The following AKAP3 variants were observed in gnomAD, a reference collection of about 807,000 sequenced individuals.
The protein encoded by AKAP3 is A-kinase anchor protein 3.
Under a neutral mutation model 57.2 loss-of-function variants are expected in AKAP3, and 27 were observed. That is an observed-to-expected ratio of 0.47 (90% CI 0.35 to 0.65). AKAP3 has a LOEUF of 0.65. Ranked by LOEUF, AKAP3 falls within the 30% of genes least tolerant of loss-of-function variation. The pLI, the probability that AKAP3 is intolerant of heterozygous loss-of-function variation, is 0.01. For missense variants in AKAP3, 959 were observed against 1,040.0 expected (o/e 0.92, Z 1.07); for synonymous variants, 334 against 392.3 (o/e 0.85, Z 1.76).
At chr12:4,621,242 G>A (rs1325688289) in intron 5 of AKAP3, among the ~76,000 whole-genome samples, 1 of 151,814 alleles carries the variant, frequency 6.6e-6, no homozygotes, top group Non-Finnish European at 1.5e-5. Flanking sequence ...TCAAAACTTT[G>A]TAACATAAAA....
chr12:4,620,392 G>A (rs1338115200), intron 5 of AKAP3, among the ~76,000 whole-genome samples: 2 of 144,938 alleles, frequency 1.4e-5, no homozygotes, highest in South Asian at 2.2e-4. Flanking sequence ...CAGGAGAATC[G>A]CTTGAACCTG....
In AKAP3 at chr12:4,625,110, T is replaced by C. The variant is rs190338350; in HGVS notation, c.2406+1386A>G. Among the ~76,000 whole-genome samples, 4 of 152,228 alleles carry C rather than the reference T, an allele frequency of 2.6e-5. No homozygotes were observed. The East Asian group carries it at 7.7e-4, about 29-fold the overall frequency. ...CTACTAATTGCTATATACTGTAAAA[T>C]AGTTGTCTGTTTCACGGATTGGAAA... On this transcript the variant is annotated intron_variant, in intron 5 of 5. Transcript: ENST00000228850. The surrounding 1 kb of genome is among the most constrained non-coding windows in gnomAD (Gnocchi z 5.4).
intron 1 of AKAP3, chr12:4,647,871 T>C (rs1430044570): frequency 6.7e-6 from 1 of 150,136 alleles, no homozygotes; most frequent in Non-Finnish European, 1.5e-5. Flanking sequence ...CAAGATAGAG[T>C]GGAAACAGCC....
intron 2 of AKAP3, among the ~76,000 whole-genome samples, chr12:4,642,561 G>A (rs920535638): frequency 6.6e-6 from 1 of 152,148 alleles, no homozygotes; most frequent in Admixed American, 6.5e-5. Flanking sequence ...CAGCCCCCCA[G>A]TAATGGCTCT....
Position 4,627,486 on chromosome 12 carries a change from TAG to T in AKAP3, c.1414_1415del (p.Leu472ArgfsTer8). ...HKTQQKECKS[L>X]GFQHAAFEAP... ...CTTCAAATGCTGCATGCTGGAAACC[TAG>T]AGATTTACATTCTTTCTGCTGAGTT... On this transcript the variant is annotated frameshift_variant, in exon 5 of 6. Transcript: ENST00000228850. LOFTEE classifies it high-confidence loss of function. 6.2e-7 allele frequency: 1 copy of T among 1,614,170 alleles called. No individual in the cohort carries two copies. The highest frequency in any genetic ancestry group is 8.5e-7 in the Non-Finnish European group (1 of 1,180,018).
At position 4,648,750 on chromosome 12, in the gene AKAP3, C is replaced by A. The variant is rs541095991; in HGVS notation, c.-250G>T. On this transcript the variant is annotated 5_prime_UTR_variant, in exon 1 of 6. Coordinates refer to ENST00000228850, the MANE Select transcript of AKAP3 (RefSeq NM_001278309.2). Reference sequence around the variant, plus strand: ...CCTTCTTCCTCCGGACTCACCAGGGCTGCCAGCTTAGCTTACATTTTCAGG... The same window carrying A: ...CCTTCTTCCTCCGGACTCACCAGGGATGCCAGCTTAGCTTACATTTTCAGG... 9.6e-6 allele frequency: 2 copies of A among 209,240 alleles called. No individual in the cohort carries two copies. The highest frequency in any genetic ancestry group is 5.9e-5 in the Admixed American group (1 of 16,884). 13.0% of individuals were successfully genotyped at this position (209,240 alleles called of 1,614,324 possible). A position where few individuals can be genotyped will look rare whatever the true frequency, so the allele number is the denominator to read the frequency against.
Position 4,627,885 on chromosome 12 carries a change from C to G in AKAP3, c.1017G>C (p.Arg339Ser). Reference protein sequence around the residue: ...VVSDLIDSFLRNLHSVTGTLM... With the variant: ...VVSDLIDSFLSNLHSVTGTLM... ...GGGTCCCTGTGACGCTGTGGAGATT[C>G]CTCAAGAAGGAGTCGATGAGATCCG... The change falls in exon 5 of 6, where the codon AGG (arginine) becomes AGC (serine). Residue 339 changes from arginine (R) to serine (S), a missense_variant. Arg to Ser is a moderately radical substitution (Grantham distance 110). Transcript: ENST00000228850. The G allele has an allele frequency of 1.2e-6, 2 of 1,614,120 alleles. No individual in the cohort carries two copies. Among genetic ancestry groups the G allele is most frequent in the Admixed American group, 1.7e-5 (1 of 60,020 alleles).
At chr12:4,635,787 T>C (rs1945558131) in intron 4 of AKAP3, 1 of 706,968 alleles carries the variant, frequency 1.4e-6, no homozygotes, top group Non-Finnish European at 2.6e-6. Flanking sequence ...AACTATACTG[T>C]AGTGTCATCA....
rs188751968 is a variant in AKAP3, at chr12:4,633,292, T to A, written c.97-4487A>T. 7.9e-3 allele frequency among the ~76,000 whole-genome samples: 1,193 copies of A among 151,966 alleles called. 16 individuals carry two copies. Among genetic ancestry groups the A allele is most frequent in the African/African-American group, 0.027 (1,123 of 41,500 alleles). On this transcript the variant is annotated intron_variant, in intron 4 of 5. Transcript: ENST00000228850. ...TATATTTTAAAAGATAAATAAAATT[T>A]AAAAAAATAAAAATAAAAAACCAAA...
Position 4,627,836 on chromosome 12 carries a change from A to G in AKAP3, c.1066T>C (p.Ser356Pro). ...GTLMTDTQFV[S>P]AVKRTVFSHG... The stretch of plus-strand genomic sequence containing the variant: ...GAGAAGACAGTTCTTTTCACAGCCG[A>G]GACAAACTGTGTGTCAGTCATGAGG... The change falls in exon 5 of 6, where the codon TCG becomes CCG. Residue 356 changes from serine to proline, a missense_variant. Coordinates refer to ENST00000228850, the MANE Select transcript of AKAP3 (RefSeq NM_001278309.2). 6.2e-7 allele frequency: 1 copy of G among 1,614,148 alleles called. No individual in the cohort carries two copies. The highest frequency in any genetic ancestry group is 8.5e-7 in the Non-Finnish European group (1 of 1,180,022).
intron 5 of AKAP3, among the ~76,000 whole-genome samples, chr12:4,624,315 ACGTGTGTGTGTGTGTGTGTGTGTGTGTG>A (rs1480235430): frequency 2.7e-5 from 4 of 146,322 alleles, no homozygotes; most frequent in South Asian, 2.2e-4. Flanking sequence ...TTGTGACTTT[ACGTGTGTGTGTGTGTGTGTGTGTGTGTG>A]TGTGTGTGTG....
Position 4,621,789 on chromosome 12 carries a change from G to A in AKAP3, c.2406+4707C>T, listed in dbSNP as rs142289966. Among the ~76,000 whole-genome samples the A allele has an allele frequency of 3.5e-3, 534 of 152,192 alleles. 2 individuals carry two copies. Among genetic ancestry groups the A allele is most frequent in the African/African-American group, 0.012 (511 of 41,530 alleles). ...AACATGGGAAAGTTTTGCTAATATCGTAAAGTGGAGAATGTTTTCCAAAAT... is the reference window on the plus strand; with the variant it reads ...AACATGGGAAAGTTTTGCTAATATCATAAAGTGGAGAATGTTTTCCAAAAT... On this transcript the variant is annotated intron_variant, in intron 5 of 5. Coordinates refer to ENST00000228850, the MANE Select transcript of AKAP3 (RefSeq NM_001278309.2).
Position 4,626,824 on chromosome 12 carries a change from G to A in AKAP3, c.2078C>T (p.Ala693Val). 6.2e-7 allele frequency: 1 copy of A among 1,605,848 alleles called. No homozygotes were observed. The highest frequency in any genetic ancestry group is 8.5e-7 in the Non-Finnish European group (1 of 1,177,518). The change falls in exon 5 of 6, where the codon GCA (alanine) becomes GTA (valine). Residue 693 changes from alanine (A) to valine (V), a missense_variant. By Grantham distance (64) the Ala-to-Val change is moderately conservative. Coordinates refer to ENST00000228850, the MANE Select transcript of AKAP3 (RefSeq NM_001278309.2). ...TCCAGACTTGTCATCTCCCAGCTCT[G>A]CCAACGAAGCATCACAGGACTTAGC... ...IIAKSCDASL[A>V]ELGDDKSGDA...
chr12:4,639,668 C>T (rs1052088810), intron 3 of AKAP3, among the ~76,000 whole-genome samples: 21 of 147,082 alleles, frequency 1.4e-4, no homozygotes, highest in African/African-American at 4.7e-4. Context: ...TGAGTGAGAA[C>T]ATGCAGTGTT....
At chr12:4,641,367 C>T (rs1209298807) in intron 3 of AKAP3, among the ~76,000 whole-genome samples, 2 of 152,142 alleles carry the variant, frequency 1.3e-5, no homozygotes, top group South Asian at 4.2e-4. Context: ...ACCAGGCGCT[C>T]CACATCTGGC....
chr12:4,626,621 T>C lies in AKAP3; in HGVS notation c.2281A>G (p.Asn761Asp), dbSNP rs1205449902. 5.0e-6 allele frequency: 8 copies of C among 1,614,130 alleles called. No individual in the cohort carries two copies. In the African/African-American group the frequency reaches 1.1e-4, roughly 22 times the overall value. ...GCAAPTVIVSNHNLTDTVQNK... is the reference protein window; with the variant it reads ...GCAAPTVIVSDHNLTDTVQNK... ...TGAACTGTGTCCGTTAGGTTGTGAT[T>C]GCTGACAATCACCGTGGGTGCTGCA... Residue 761 changes from asparagine to aspartate, a missense_variant, in exon 5 of 6, where the codon AAT becomes GAT. By Grantham distance (23) the Asn-to-Asp change is conservative. Coordinates refer to ENST00000228850, the MANE Select transcript of AKAP3 (RefSeq NM_001278309.2).
intron 3 of AKAP3, among the ~76,000 whole-genome samples, chr12:4,641,563 G>A (rs1278596205): frequency 6.6e-6 from 1 of 152,168 alleles, no homozygotes; most frequent in African/African-American, 2.4e-5. Flanking sequence ...AGTTGTTAAT[G>A]CCTTGAAGTT....
Position 4,628,228 on chromosome 12 carries a change from T to G in AKAP3, c.674A>C (p.Lys225Thr). The G allele has an allele frequency of 6.2e-7, 1 of 1,614,130 alleles. No individual in the cohort carries two copies. Among genetic ancestry groups the G allele is most frequent in the Non-Finnish European group, 8.5e-7 (1 of 1,179,978 alleles). ...KSTLKIKEST[K>T]ERQGPDDKPP... ...CTTGTCATCTGGACCCTGTCTTTCT[T>G]TGGTGCTCTCCTTGATCTTCAAAGT... The change falls in exon 5 of 6, where the codon AAA becomes ACA. Residue 225 changes from lysine (K) to threonine (T), a missense_variant. Physicochemically the swap from Lys to Thr is moderately conservative, Grantham distance 78. Transcript: ENST00000228850.
At chr12:4,640,618 C>T (rs1945625484) in intron 3 of AKAP3, among the ~76,000 whole-genome samples, 1 of 152,128 alleles carries the variant, frequency 6.6e-6, no homozygotes, top group African/African-American at 2.4e-5. Context: ...AAAGAAAATA[C>T]AAGATCTTTT....
Sources: gnomAD v4.1 joint callset for allele counts (sites outside exome capture counted in the v4.1 genomes callset) on GRCh38, gnomAD v4.1.1 for gene constraint, Gnocchi (gnomAD v3.1) non-coding constraint, MANE v1.5 for transcripts, NCBI Gene and HGNC (gene_info 2026-07-23, HGNC 2026-07-21) for gene names.